Variants in LURAP1 observed in about 807,000 individuals in gnomAD.
LURAP1 encodes the protein leucine rich adaptor protein 1.
LURAP1 carries 14 observed loss-of-function variants against 19.0 expected under a neutral mutation model. That is an observed-to-expected ratio of 0.74 (90% CI 0.49 to 1.15). The LOEUF (loss-of-function observed/expected upper bound fraction) is 1.15. Among genes scored for constraint, LURAP1 ranks in the 50% most tolerant of loss-of-function variants. LURAP1 has a pLI of 0.00. For missense variants in LURAP1, 273 were observed against 309.1 expected (o/e 0.88, Z 0.87); for synonymous variants, 129 against 131.8 (o/e 0.98, Z 0.14).
intron 1 of LURAP1, among the ~76,000 whole-genome samples, chr1:46,217,186 C>T (rs1187668797): frequency 1.3e-5 from 2 of 152,098 alleles, no homozygotes; most frequent in African/African-American, 4.8e-5. Flanking sequence ...GGAGGGAGAT[C>T]CCTGGAGGGC....
In LURAP1 at chr1:46,221,087, A is replaced by G. The variant is rs748347793; in HGVS notation, c.*867A>G. ...GGGTCCTTGGATGGTAGTAGGTCAT[A>G]TAGGGGCATCTGAGCCCCTGCTGCT... is the stretch of plus-strand genomic sequence containing the variant. On this transcript the variant is annotated 3_prime_UTR_variant, in exon 2 of 2. Coordinates refer to ENST00000371980, the MANE Select transcript of LURAP1 (RefSeq NM_001013615.3). 2 of 152,214 alleles carry G rather than the reference A, an allele frequency of 1.3e-5. No homozygotes were observed. The highest frequency in any genetic ancestry group is 6.5e-5 in the Admixed American group (1 of 15,272). 9.4% of individuals were successfully genotyped at this position (152,214 alleles called of 1,614,324 possible).
rs1659214814 is a variant in LURAP1, at chr1:46,220,840, C to T, written c.*620C>T. The T allele has an allele frequency of 6.6e-6, 1 of 152,134 alleles. No homozygotes were observed. The highest frequency in any genetic ancestry group is 2.4e-5 in the African/African-American group (1 of 41,408). The allele number at this position is 152,134 out of a possible 1,614,324, so 9.4% of individuals were successfully genotyped here. ...TAAGGATTTAAGGAATTTAGGACTC[C>T]CTGGAGTTAACAGATGAAGAGATGG... On this transcript the variant is annotated 3_prime_UTR_variant, in exon 2 of 2. Transcript: ENST00000371980.
In LURAP1 at chr1:46,221,161, G is replaced by T. The variant is rs1659227082; in HGVS notation, c.*941G>T. On this transcript the variant is annotated 3_prime_UTR_variant, in exon 2 of 2. Coordinates refer to ENST00000371980, the MANE Select transcript of LURAP1 (RefSeq NM_001013615.3). ...TCCATACCATTACTTCTTGTGAACA[G>T]TAACATGTCACTCCTCCTGGCAGGA... 1 of 152,238 alleles carries T rather than the reference G, an allele frequency of 6.6e-6. No homozygotes were observed. The highest frequency in any genetic ancestry group is 1.5e-5 in the Non-Finnish European group (1 of 68,056). 9.4% of individuals were successfully genotyped at this position (152,238 alleles called of 1,614,324 possible). A position where few individuals can be genotyped will look rare whatever the true frequency, so the allele number is the denominator to read the frequency against.
intron 1 of LURAP1, among the ~76,000 whole-genome samples, chr1:46,211,144 A>G (rs544443717): frequency 5.3e-4 from 81 of 152,180 alleles, no homozygotes; most frequent in African/African-American, 1.9e-3. Flanking sequence ...CCATATCAAA[A>G]TGTTATTGGA....
In LURAP1 at chr1:46,219,990, G is replaced by A. The variant is rs1408089543; in HGVS notation, c.490G>A (p.Ala164Thr). 5 of 1,614,150 alleles carry A rather than the reference G, an allele frequency of 3.1e-6. No individual in the cohort carries two copies. In the East Asian group the frequency reaches 1.1e-4, roughly 36 times the overall value. Residue 164 changes from alanine to threonine, a missense_variant, in exon 2 of 2, where the codon GCT (alanine) becomes ACT (threonine). Physicochemically the swap from Ala to Thr is moderately conservative, Grantham distance 58. Transcript: ENST00000371980. ...SELDEQGPPGAPRSEMDWAKV... is the reference protein window; with the variant it reads ...SELDEQGPPGTPRSEMDWAKV... ...GCTGGATGAACAGGGCCCACCTGGG[G>A]CTCCACGTTCCGAGATGGACTGGGC... is the stretch of plus-strand genomic sequence containing the variant.
intron 1 of LURAP1, among the ~76,000 whole-genome samples, chr1:46,207,982 C>T (rs1386137059): frequency 1.3e-5 from 2 of 152,086 alleles, no homozygotes; most frequent in African/African-American, 2.4e-5. Context: ...ATTCTCCTGC[C>T]TCAGCTTCCT....
chr1:46,216,720 G>A (rs182139759), intron 1 of LURAP1, among the ~76,000 whole-genome samples: 2 of 152,188 alleles, frequency 1.3e-5, no homozygotes, highest in Admixed American at 1.3e-4. Context: ...TGAGATTTGG[G>A]ATACTGTTGA....
chr1:46,208,524 A>T (rs1037139669), intron 1 of LURAP1, among the ~76,000 whole-genome samples: 1 of 152,164 alleles, frequency 6.6e-6, no homozygotes, highest in African/African-American at 2.4e-5. Flanking sequence ...AGAATGAATA[A>T]AGTCAGTGGG....
rs1659176073 is a variant in LURAP1, at chr1:46,219,788, G to T, written c.288G>T (p.Glu96Asp). Reference protein sequence around the residue: ...GIEAVRWLLEERGTLTSHCSS... With the variant: ...GIEAVRWLLEDRGTLTSHCSS... ...AGGCAGTGCGCTGGCTGTTGGAGGA[G>T]CGGGGGACGTTGACCAGTCATTGCA... Residue 96 changes from glutamate to aspartate, a missense_variant, in exon 2 of 2, where the codon GAG (glutamate) becomes GAT (aspartate). Glu to Asp is a conservative substitution (Grantham distance 45). Coordinates refer to ENST00000371980, the MANE Select transcript of LURAP1 (RefSeq NM_001013615.3). The T allele has an allele frequency of 6.2e-7, 1 of 1,614,218 alleles. No individual in the cohort carries two copies. Among genetic ancestry groups the T allele is most frequent in the African/African-American group, 1.3e-5 (1 of 75,066 alleles).
chr1:46,219,180 A>C (rs911836481), intron 1 of LURAP1, among the ~76,000 whole-genome samples: 3 of 152,054 alleles, frequency 2.0e-5, no homozygotes, highest in African/African-American at 7.2e-5. Context: ...CTGTAATCCC[A>C]GCTAATTGGG....
At chr1:46,217,207 C>G (rs566697430) in intron 1 of LURAP1, among the ~76,000 whole-genome samples, 2 of 152,148 alleles carry the variant, frequency 1.3e-5, no homozygotes, top group East Asian at 3.9e-4. Flanking sequence ...AATTGTGCAG[C>G]AAGGACAGAT....
rs1394636473 is a variant in LURAP1 at position 46,220,126 on chromosome 1, G to T, written c.626G>T (p.Gly209Val). The T allele has an allele frequency of 6.2e-7, 1 of 1,614,210 alleles. No homozygotes were observed. ...CCCCCAGGGGAGAGGCTTCAAGGTG[G>T]ACCACCTGAGTCACCAGAGGATGAG... ...WKPPGERLQG[G>V]PPESPEDESA... Residue 209 changes from glycine (G) to valine (V), a missense_variant, in exon 2 of 2, where the codon GGA becomes GTA. By Grantham distance (109) the Gly-to-Val change is moderately radical. Transcript: ENST00000371980.
chr1:46,205,938 T>A (rs1027746053), intron 1 of LURAP1, among the ~76,000 whole-genome samples: 2 of 152,230 alleles, frequency 1.3e-5, no homozygotes, highest in African/African-American at 4.8e-5. Flanking sequence ...CAGCTCTCCT[T>A]GCACAAAGGG....
rs1659221774 is a variant in LURAP1 at position 46,220,917 on chromosome 1, A to C, written c.*697A>C. On this transcript the variant is annotated 3_prime_UTR_variant, in exon 2 of 2. Transcript: ENST00000371980. Reference sequence around the variant, plus strand: ...AGAAGCCTTGGCCTCTCTCTTGGCCAAGATGGAGGATTGAGGAGGGACATG... The same window carrying C: ...AGAAGCCTTGGCCTCTCTCTTGGCCCAGATGGAGGATTGAGGAGGGACATG... 1 of 152,260 alleles carries C rather than the reference A, an allele frequency of 6.6e-6. No homozygotes were observed. The highest frequency in any genetic ancestry group is 1.5e-5 in the Non-Finnish European group (1 of 68,076). 9.4% of individuals were successfully genotyped at this position (152,260 alleles called of 1,614,324 possible).
chr1:46,204,572 G>T (rs1005432726), intron 1 of LURAP1, among the ~76,000 whole-genome samples: 2 of 152,226 alleles, frequency 1.3e-5, no homozygotes, highest in African/African-American at 4.8e-5. Context: ...GTCTGTGAAG[G>T]AGAAGGGGAA....
In LURAP1 at chr1:46,220,180, G is replaced by A; in HGVS notation, c.680G>A (p.Trp227Ter). ...ESAKLGFEAH[W>*]FWEQCQDDVT... ...GCCAAGCTGGGCTTCGAGGCCCACT[G>A]GTTCTGGGAGCAGTGCCAGGATGAT... Residue 227 changes from tryptophan to a stop codon, truncating the protein, a stop_gained, in exon 2 of 2, where the codon TGG becomes TAG. Coordinates refer to ENST00000371980, the MANE Select transcript of LURAP1 (RefSeq NM_001013615.3). LOFTEE classifies it high-confidence loss of function. 6.2e-7 allele frequency: 1 copy of A among 1,613,796 alleles called. No homozygotes were observed. Among genetic ancestry groups the A allele is most frequent in the Middle Eastern group, 1.6e-4 (1 of 6,062 alleles).
At chr1:46,212,954 C>T (rs1349275044) in intron 1 of LURAP1, among the ~76,000 whole-genome samples, 2 of 151,724 alleles carry the variant, frequency 1.3e-5, no homozygotes, top group African/African-American at 4.8e-5. Flanking sequence ...TTAGTAGAGA[C>T]GGGGTTTCAC....
At chr1:46,218,138 C>A (rs1485910814) in intron 1 of LURAP1, among the ~76,000 whole-genome samples, 1 of 152,128 alleles carries the variant, frequency 6.6e-6, no homozygotes, top group Non-Finnish European at 1.5e-5. Flanking sequence ...TGTGGTGGCT[C>A]ACACCTGTAA....
chr1:46,212,330 G>C (rs564281681), intron 1 of LURAP1, among the ~76,000 whole-genome samples: 1 of 151,314 alleles, frequency 6.6e-6, no homozygotes, highest in Non-Finnish European at 1.5e-5. Flanking sequence ...ATCCAGGCTG[G>C]AGTGCAGTGG....
Sources: gnomAD v4.1 joint callset for allele counts (sites outside exome capture counted in the v4.1 genomes callset) on GRCh38, gnomAD v4.1.1 for gene constraint, MANE v1.5 for transcripts, NCBI Gene and HGNC (gene_info 2026-07-23, HGNC 2026-07-21) for gene names.